Variants in LGR5 observed in about 807,000 individuals in gnomAD.
LGR5 encodes the protein leucine rich repeat containing G protein-coupled receptor 5, also known as leucine-rich repeat-containing G protein-coupled receptor 5.
Under a neutral mutation model 76.7 loss-of-function variants are expected in LGR5, and 54 were observed. The observed-to-expected ratio is 0.70, with a 90% CI of 0.57 to 0.88. LGR5 has a LOEUF of 0.88. Ranked by LOEUF, LGR5 falls within the 40% of genes least tolerant of loss-of-function variation. The probability of loss-of-function intolerance (pLI) is 0.00; values close to 1 mark genes in which losing one functional copy is unlikely to be tolerated. For missense variants in LGR5, 1,078 were observed against 1,073.3 expected (o/e 1.00, Z -0.06); for synonymous variants, 406 against 421.9 (o/e 0.96, Z 0.46).
At chr12:71,439,549 C>T (rs1871643667), upstream of LGR5, among the ~76,000 whole-genome samples, 1 of 152,008 alleles carries the variant, frequency 6.6e-6, no homozygotes, top group Admixed American at 6.5e-5. Flanking sequence ...TCCCCTATTC[C>T]GGCGCGCGGC....
At chr12:71,456,046 A>T (rs1446003939) in intron 1 of LGR5, among the ~76,000 whole-genome samples, 1 of 152,202 alleles carries the variant, frequency 6.6e-6, no homozygotes, top group Non-Finnish European at 1.5e-5. Flanking sequence ...ACCCAGTTTC[A>T]CATGATGGAA....
intron 13 of LGR5, among the ~76,000 whole-genome samples, chr12:71,576,823 T>C (rs542555202): frequency 2.0e-5 from 3 of 152,300 alleles, no homozygotes; most frequent in South Asian, 2.1e-4. Flanking sequence ...ACAGATGGTA[T>C]TACTTGCTCA....
chr12:71,440,110 G>A lies in LGR5; in HGVS notation c.30G>A (p.Leu10=). 6.2e-7 allele frequency: 1 copy of A among 1,606,520 alleles called. No individual in the cohort carries two copies. The highest frequency in any genetic ancestry group is 1.3e-5 in the African/African-American group (1 of 74,970). ...ACACCTCCCGGCTCGGTGTGCTCCTGTCCTTGCCTGTGCTGCTGCAGCTGG... is the reference window on the plus strand; with the variant it reads ...ACACCTCCCGGCTCGGTGTGCTCCTATCCTTGCCTGTGCTGCTGCAGCTGG... MDTSRLGVL[L]SLPVLLQLAT... Residue 10 remains leucine (L), a synonymous_variant, in exon 1 of 18, where the codon CTG becomes CTA. Coordinates refer to ENST00000266674, the MANE Select transcript of LGR5 (RefSeq NM_003667.4). This position sits in a 1 kb window ranked among gnomAD's most constrained non-coding sequence, Gnocchi z 5.3.
intron 5 of LGR5, among the ~76,000 whole-genome samples, chr12:71,553,655 C>T (rs917343791): frequency 6.6e-6 from 1 of 152,072 alleles, no homozygotes; most frequent in Non-Finnish European, 1.5e-5. Context: ...TTGAAAGATG[C>T]TCTTCTTATT....
intron 5 of LGR5, among the ~76,000 whole-genome samples, chr12:71,555,240 T>A (rs1011428303): frequency 1.3e-5 from 2 of 152,178 alleles, no homozygotes; most frequent in African/African-American, 4.8e-5. Flanking sequence ...ATTTCACATA[T>A]AAAGATGATG....
At chr12:71,469,979 C>A (rs1873026702) in intron 1 of LGR5, among the ~76,000 whole-genome samples, 1 of 152,154 alleles carries the variant, frequency 6.6e-6, no homozygotes, top group Non-Finnish European at 1.5e-5. Context: ...TCCCTTCTCA[C>A]CTGGATTATT....
intron 1 of LGR5, among the ~76,000 whole-genome samples, chr12:71,446,211 G>C (rs1439724857): frequency 1.3e-5 from 2 of 152,172 alleles, no homozygotes; most frequent in African/African-American, 4.8e-5. Flanking sequence ...CTACTAGTCC[G>C]CAAGTACAAA....
intron 1 of LGR5, chr12:71,448,831 A>G (rs1411219762): frequency 6.6e-6 from 1 of 152,250 alleles, no homozygotes. Context: ...AAGACTGAGA[A>G]TAAAGGATCT....
intron 1 of LGR5, among the ~76,000 whole-genome samples, chr12:71,503,942 T>C (rs147456136): frequency 9.9e-5 from 15 of 152,236 alleles, no homozygotes; most frequent in Middle Eastern, 3.4e-3. Context: ...AAACAAAAAT[T>C]GATTGAGTTC....
At chr12:71,569,858 T>A (rs1013420827) in intron 11 of LGR5, among the ~76,000 whole-genome samples, 1 of 152,196 alleles carries the variant, frequency 6.6e-6, no homozygotes, top group Non-Finnish European at 1.5e-5. Flanking sequence ...TATATGCCCA[T>A]GTATGTTCAT....
chr12:71,533,038 AAAT>A (rs894569554), intron 3 of LGR5, among the ~76,000 whole-genome samples: 8 of 152,090 alleles, frequency 5.3e-5, no homozygotes, highest in African/African-American at 1.7e-4. Context: ...CTTCGTTTCT[AAAT>A]AAATAAATAC....
In LGR5 at chr12:71,583,827, C is replaced by G. The variant is rs749550777; in HGVS notation, c.1817C>G (p.Thr606Arg). 20 of 1,613,982 alleles carry G rather than the reference C, an allele frequency of 1.2e-5. No individual in the cohort carries two copies. The highest frequency in any genetic ancestry group is 1.7e-5 in the Admixed American group (1 of 59,994). The change falls in exon 18 of 18, where the codon ACG becomes AGG. Residue 606 changes from threonine (T) to arginine (R), a missense_variant. Coordinates refer to ENST00000266674, the MANE Select transcript of LGR5 (RefSeq NM_003667.4). ...IGVIAAVNML[T>R]GVSSAVLAGV... ...GTCATCGCAGCAGTGAACATGCTCA[C>G]GGGAGTCTCCAGTGCCGTGCTGGCT...
rs1219888580 is a variant in LGR5, at chr12:71,582,482, C to T, written c.1579C>T (p.Leu527Phe). ...TGAACGTGACCTTGAAGATTTCCTGCTTGACTTTGAGGAAGACCTGAAAGC... is the reference window on the plus strand; with the variant it reads ...TGAACGTGACCTTGAAGATTTCCTGTTTGACTTTGAGGAAGACCTGAAAGC... ...QDERDLEDFL[L>F]DFEEDLKALH... The change falls in exon 17 of 18, where the codon CTT becomes TTT. Residue 527 changes from leucine to phenylalanine, a missense_variant. Physicochemically the swap from Leu to Phe is conservative, Grantham distance 22 (BLOSUM62 0). Coordinates refer to ENST00000266674, the MANE Select transcript of LGR5 (RefSeq NM_003667.4). 6.2e-7 allele frequency: 1 copy of T among 1,614,092 alleles called. No homozygotes were observed. Among genetic ancestry groups the T allele is most frequent in the East Asian group, 2.2e-5 (1 of 44,880 alleles).
intron 1 of LGR5, among the ~76,000 whole-genome samples, chr12:71,449,726 A>C (rs1465140443): frequency 6.6e-6 from 1 of 152,236 alleles, no homozygotes; most frequent in African/African-American, 2.4e-5. Flanking sequence ...TTACAAAGGA[A>C]AGCAAATTTG....
intron 2 of LGR5, among the ~76,000 whole-genome samples, chr12:71,521,312 G>A (rs182855676): frequency 7.9e-5 from 12 of 152,250 alleles, no homozygotes; most frequent in African/African-American, 1.4e-4. Flanking sequence ...AGAGGAAACC[G>A]CGGGGGTCCA....
At chr12:71,533,269 C>T (rs999268341) in intron 3 of LGR5, among the ~76,000 whole-genome samples, 1 of 152,126 alleles carries the variant, frequency 6.6e-6, no homozygotes, top group Non-Finnish European at 1.5e-5. Flanking sequence ...TGCTTGAACC[C>T]AGGAGGCAGA....
intron 4 of LGR5, among the ~76,000 whole-genome samples, chr12:71,545,527 C>T (rs1488668666): frequency 6.6e-6 from 1 of 151,948 alleles, no homozygotes; most frequent in Non-Finnish European, 1.5e-5. Context: ...TGCTTCATAA[C>T]TCTGTTTATT....
intron 3 of LGR5, among the ~76,000 whole-genome samples, chr12:71,527,648 T>A (rs1232465071): frequency 6.6e-6 from 1 of 152,200 alleles, no homozygotes; most frequent in Non-Finnish European, 1.5e-5. Context: ...ATTTCTTATT[T>A]TTCTGCTAAT....
chr12:71,478,011 G>C (rs905263502), intron 1 of LGR5, among the ~76,000 whole-genome samples: 3 of 151,924 alleles, frequency 2.0e-5, no homozygotes, highest in Non-Finnish European at 4.4e-5. Flanking sequence ...TATAAGCATG[G>C]GTCTTCTCCT....
Sources: gnomAD v4.1 joint callset for allele counts (sites outside exome capture counted in the v4.1 genomes callset) on GRCh38, gnomAD v4.1.1 for gene constraint, Gnocchi (gnomAD v3.1) non-coding constraint, MANE v1.5 for transcripts, NCBI Gene and HGNC (gene_info 2026-07-23, HGNC 2026-07-21) for gene names.